The following ZSCAN25 variants were observed in gnomAD, a reference collection of about 807,000 sequenced individuals.
The protein encoded by ZSCAN25 is zinc finger and SCAN domain containing 25.
In ZSCAN25, 27 loss-of-function variants were observed where a neutral mutation model predicts 38.7. That is an observed-to-expected ratio of 0.70 (90% CI 0.51 to 0.96). The LOEUF (loss-of-function observed/expected upper bound fraction) is 0.96, where lower values mean the gene tolerates loss of function less well. ZSCAN25 is among the 40% of genes least tolerant of loss of function. The pLI is 0.00. For synonymous variants in ZSCAN25, 273 were observed against 277.7 expected (o/e 0.98, Z 0.17); for missense variants, 637 against 705.9 (o/e 0.90, Z 1.11).
At chr7:99,722,076 C>A in the ZSCAN25 span, among the ~76,000 whole-genome samples, 2 of 152,188 alleles carry the variant, frequency 1.3e-5, no homozygotes, top group African/African-American at 4.8e-5. Context: ...TCTTCCTTTA[C>A]CTCCCTGAAT....
At chr7:99,663,231 A>G in the ZSCAN25 span, 1 of 1,059,452 alleles carries the variant, frequency 9.4e-7, no homozygotes, top group African/African-American at 1.7e-5. Context: ...TGGATCTTTT[A>G]TTCTTCTACC....
chr7:99,638,753 G>T, the ZSCAN25 span: 1 of 1,106,426 alleles, frequency 9.0e-7, no homozygotes, highest in Non-Finnish European at 1.4e-6. Flanking sequence ...ATTTTGCATA[G>T]CACTTTCCCC....
chr7:99,636,118 C>A (rs1233037558), downstream of ZSCAN25, among the ~76,000 whole-genome samples: 1 of 150,542 alleles, frequency 6.6e-6, no homozygotes, highest in African/African-American at 2.4e-5. Flanking sequence ...GCATTTATAC[C>A]TTTGTGCTTG....
chr7:99,712,295 G>A, the ZSCAN25 span, among the ~76,000 whole-genome samples: 1 of 152,156 alleles, frequency 6.6e-6, no homozygotes, highest in African/African-American at 2.4e-5. Context: ...GCAGTTGTGG[G>A]TAAATTCAAC....
At chr7:99,717,409 T>G in the ZSCAN25 span, 1 of 1,585,120 alleles carries the variant, frequency 6.3e-7, no homozygotes, top group Admixed American at 1.8e-5. Context: ...AGACTATTTT[T>G]AGGAAGCTCA....
chr7:99,641,289 G>A, the ZSCAN25 span, among the ~76,000 whole-genome samples: 1 of 152,156 alleles, frequency 6.6e-6, no homozygotes. Context: ...AGGAAGAAGT[G>A]CTGAACAAAG....
At chr7:99,663,922 T>C in the ZSCAN25 span, 1 of 1,548,346 alleles carries the variant, frequency 6.5e-7, no homozygotes, top group Non-Finnish European at 8.6e-7. Flanking sequence ...AAAATCTAAA[T>C]TTATCAAAAC....
the ZSCAN25 span, chr7:99,664,082 G>A: frequency 6.3e-7 from 1 of 1,588,142 alleles, no homozygotes; most frequent in Non-Finnish European, 8.5e-7. Context: ...CTGGGGTAAG[G>A]AATGGAAAGA....
chr7:99,672,764 T>C, the ZSCAN25 span: 1 of 1,598,744 alleles, frequency 6.3e-7, no homozygotes, highest in South Asian at 1.1e-5. Flanking sequence ...ACTTTGATCA[T>C]TATGTTATGT....
chr7:99,682,397 T>C, the ZSCAN25 span, among the ~76,000 whole-genome samples: 2 of 152,374 alleles, frequency 1.3e-5, no homozygotes, highest in South Asian at 4.1e-4. Flanking sequence ...TTTCCCCCAG[T>C]GTATGTTCTT....
the ZSCAN25 span, chr7:99,652,562 C>T: frequency 1.4e-5 from 23 of 1,606,252 alleles, no homozygotes; most frequent in Admixed American, 6.7e-5. Context: ...CCTTTCAGGG[C>T]GGAACTCCTC....
At chr7:99,666,752 G>T in the ZSCAN25 span, 1 of 1,612,652 alleles carries the variant, frequency 6.2e-7, no homozygotes, top group South Asian at 1.1e-5. Context: ...AGAAGGATAT[G>T]GCTTTCTCCA....
the ZSCAN25 span, chr7:99,731,000 G>A: frequency 6.3e-7 from 1 of 1,596,080 alleles, no homozygotes; most frequent in Non-Finnish European, 8.6e-7. Flanking sequence ...TTTTACTGAT[G>A]GAACTAAGTT....
chr7:99,679,322 C>A, the ZSCAN25 span, among the ~76,000 whole-genome samples: 1 of 152,068 alleles, frequency 6.6e-6, no homozygotes. Context: ...TAAATGATAT[C>A]CTGGGTTGGA....
chr7:99,703,453 G>T, the ZSCAN25 span, among the ~76,000 whole-genome samples: 1 of 152,146 alleles, frequency 6.6e-6, no homozygotes. Flanking sequence ...GTGAAGAGAA[G>T]TAGGAAATAT....
chr7:99,678,490 A>G, the ZSCAN25 span, among the ~76,000 whole-genome samples: 1 of 152,228 alleles, frequency 6.6e-6, no homozygotes, highest in Non-Finnish European at 1.5e-5. Flanking sequence ...CCGGACAGGT[A>G]TATTTGAAAA....
chr7:99,679,700 C>T, the ZSCAN25 span: 9 of 826,492 alleles, frequency 1.1e-5, no homozygotes, highest in South Asian at 7.5e-5. Context: ...GCGTTTGTAG[C>T]GTCCAACACT....
In ZSCAN25 at chr7:99,631,478, G is replaced by A. The variant is rs1335303223; in HGVS notation, c.*1458G>A. On this transcript the variant is annotated 3_prime_UTR_variant, in exon 8 of 8. Transcript: ENST00000394152. ...AAGTTCTGGAAGCTGCATAACTAGC[G>A]TGGACTGACTGCTGTGTCATTGTGC... is the stretch of plus-strand genomic sequence containing the variant. 8 of 985,388 alleles carry A rather than the reference G, an allele frequency of 8.1e-6. No individual in the cohort carries two copies. The highest frequency in any genetic ancestry group is 1.1e-4 in the East Asian group (1 of 8,832). 61.0% of individuals were successfully genotyped at this position (985,388 alleles called of 1,614,324 possible). A position where few individuals can be genotyped will look rare whatever the true frequency, so the allele number is the denominator to read the frequency against.
the ZSCAN25 span, among the ~76,000 whole-genome samples, chr7:99,734,230 G>C: frequency 6.6e-6 from 1 of 152,174 alleles, no homozygotes; most frequent in Non-Finnish European, 1.5e-5. Context: ...ATGTGACCAT[G>C]ATTCCTTACT....
Sources: allele counts gnomAD v4.1 joint callset (sites outside exome capture counted in the v4.1 genomes callset), GRCh38; gene constraint gnomAD v4.1.1; transcripts MANE v1.5; gene names NCBI Gene and HGNC (gene_info 2026-07-23, HGNC 2026-07-21).